The following MRC1 variants were observed in gnomAD, a reference collection of about 807,000 sequenced individuals.
The protein encoded by MRC1 is mannose receptor C-type 1.
A neutral mutation model predicts 102.9 loss-of-function variants in MRC1; 62 were observed. That is an observed-to-expected ratio of 0.60 (90% CI 0.49 to 0.74). MRC1 has a LOEUF of 0.74. MRC1 is among the 30% of genes least tolerant of loss of function. The probability of loss-of-function intolerance (pLI) is 0.00; values close to 1 mark genes in which losing one functional copy is unlikely to be tolerated. For synonymous variants in MRC1, 457 were observed against 298.4 expected, an observed-to-expected ratio of 1.53 and a Z score of -5.48; for missense variants, 1,237 against 862.8, an observed-to-expected ratio of 1.43 and a Z score of -5.43.
At chr10:17,894,145 A>T in intron 22 of MRC1, 65 bp from the exon 23 acceptor site, 1 of 858,420 alleles carries the variant, frequency 1.2e-6, no homozygotes, top group Admixed American at 1.7e-5. Context: ...TTGCTTATTA[A>T]TGAATTGATT....
intron 1 of MRC1, 122 bp downstream of exon 1, chr10:17,809,648 G>C (rs1390990131): frequency 2.5e-6 from 2 of 791,020 alleles, no homozygotes; most frequent in African/African-American, 1.7e-5. Context: ...GGGTTCCCCT[G>C]CACCACGCAG....
intron 8 of MRC1, among the ~76,000 whole-genome samples, chr10:17,854,094 G>T (rs1279504807): frequency 3.5e-4 from 54 of 152,124 alleles, no homozygotes; most frequent in Admixed American, 3.3e-3. Context: ...GTGACTAAAG[G>T]TGCGTGCCAC....
At chr10:17,885,220 G>C (rs1268924084) in intron 21 of MRC1, 49 bp from the exon 22 acceptor site, 4 of 778,978 alleles carry the variant, frequency 5.1e-6, no homozygotes, top group Non-Finnish European at 9.6e-6. Context: ...TCCATATTTT[G>C]AGTATTAACT....
chr10:17,895,866 G>A (rs1161470151), intron 23 of MRC1, among the ~76,000 whole-genome samples: 8 of 152,172 alleles, frequency 5.3e-5, no homozygotes, highest in African/African-American at 1.9e-4. Flanking sequence ...TGCTTCTTGT[G>A]GAGCAGAGCT....
intron 21 of MRC1, among the ~76,000 whole-genome samples, chr10:17,884,900 A>G (rs1833569881): frequency 6.6e-6 from 1 of 152,266 alleles, no homozygotes; most frequent in Admixed American, 6.5e-5. Context: ...TCTTATTTAC[A>G]GAATCGGGAC....
At position 17,823,401 on chromosome 10, in the gene MRC1, A is replaced by G. The variant is rs1350929473; in HGVS notation, c.389A>G (p.Tyr130Cys). The change falls in exon 2 of 30, where the codon TAC (tyrosine) becomes TGC (cysteine). Residue 130 changes from tyrosine (Y) to cysteine (C), a missense_variant. Transcript: ENST00000569591. Reference sequence around the variant, plus strand: ...AGACAAGAAAAGAATATTATGCTCTACAAGGGATCGGGTTTATGGAGCAGG... The same window carrying G: ...AGACAAGAAAAGAATATTATGCTCTGCAAGGGATCGGGTTTATGGAGCAGG... ...GNRQEKNIML[Y>C]KGSGLWSRWK... is the part of the protein sequence containing the mutation. 30 of 780,778 alleles carry G rather than the reference A, an allele frequency of 3.8e-5. No homozygotes were observed. Among genetic ancestry groups the G allele is most frequent in the Non-Finnish European group, 6.5e-5 (27 of 417,974 alleles). The allele number at this position is 780,778 out of a possible 1,614,324, so 48.4% of individuals were successfully genotyped here. A position where few individuals can be genotyped will look rare whatever the true frequency, so the allele number is the denominator to read the frequency against.
Position 17,870,716 on chromosome 10 carries a change from TG to T in MRC1, c.2112-131del, listed in dbSNP as rs1833343040. On this transcript the variant is annotated intron_variant, in intron 13 of 29. Transcript: ENST00000569591. Reference sequence around the variant, plus strand: ...CTATTGCATAAGTCTTCTATTTAGCTGTTAAATCTCTTTACTTGTGTACTAT... The same window carrying T: ...CTATTGCATAAGTCTTCTATTTAGCTTTAAATCTCTTTACTTGTGTACTAT... The T allele has an allele frequency of 1.6e-5, 12 of 771,088 alleles. No individual in the cohort carries two copies. In the South Asian group the frequency reaches 1.7e-4, roughly 11 times the overall value. 47.8% of individuals were successfully genotyped at this position (771,088 alleles called of 1,614,324 possible).
intron 22 of MRC1, among the ~76,000 whole-genome samples, chr10:17,887,513 C>T (rs1428277642): frequency 1.3e-5 from 2 of 152,082 alleles, no homozygotes; most frequent in African/African-American, 2.4e-5. Flanking sequence ...ACTGAAGAAG[C>T]GAAAGTAGAA....
intron 23 of MRC1, among the ~76,000 whole-genome samples, chr10:17,897,562 A>G (rs1564626162): frequency 6.6e-6 from 1 of 152,242 alleles, no homozygotes; most frequent in Non-Finnish European, 1.5e-5. Flanking sequence ...TGCATTACTC[A>G]CAAGTGAAGT....
intron 19 of MRC1, 103 bp from the exon 20 acceptor site, chr10:17,880,422 A>G: frequency 1.3e-6 from 1 of 744,632 alleles, no homozygotes; most frequent in Non-Finnish European, 2.5e-6. Context: ...ATTATAGTCT[A>G]AATAAGTTTT....
At chr10:17,832,342 G>A (rs1473032892) in intron 3 of MRC1, among the ~76,000 whole-genome samples, 1 of 150,854 alleles carries the variant, frequency 6.6e-6, no homozygotes, top group South Asian at 2.1e-4. Context: ...GGATCACAAG[G>A]TCAGGAGATC....
intron 1 of MRC1, among the ~76,000 whole-genome samples, chr10:17,811,523 C>G (rs1838222252): frequency 2.0e-5 from 3 of 152,074 alleles, no homozygotes; most frequent in African/African-American, 7.2e-5. Flanking sequence ...AAGGGACCCC[C>G]CTTCCAGATT....
At chr10:17,900,516 T>G (rs1833815306) in intron 24 of MRC1, among the ~76,000 whole-genome samples, 1 of 152,158 alleles carries the variant, frequency 6.6e-6, no homozygotes, top group Non-Finnish European at 1.5e-5. Flanking sequence ...TTTCACGGAA[T>G]AAGAGATAAA....
chr10:17,837,530 A>G (rs1426744291), intron 4 of MRC1, among the ~76,000 whole-genome samples: 1 of 152,190 alleles, frequency 6.6e-6, no homozygotes, highest in Non-Finnish European at 1.5e-5. Flanking sequence ...AAATGAAAAA[A>G]CAACCTACAA....
chr10:17,825,489 C>G (rs964647241), intron 2 of MRC1, among the ~76,000 whole-genome samples: 1 of 152,102 alleles, frequency 6.6e-6, no homozygotes, highest in South Asian at 2.1e-4. Context: ...GCCTGTAATC[C>G]CAGCACCTTG....
At chr10:17,908,799 C>G (rs919971626) in intron 28 of MRC1, among the ~76,000 whole-genome samples, 22 of 152,136 alleles carry the variant, frequency 1.4e-4, no homozygotes, top group Non-Finnish European at 2.8e-4. Context: ...GAACTCCGGA[C>G]CTCAGGTGTT....
Position 17,870,933 on chromosome 10 carries a change from C to T in MRC1, c.2197C>T (p.Pro733Ser). ...AGGTTTTACTTGGAGTGATGGTTCTCCTGTGAGTAATTTTACTTACTATAT... is the reference window on the plus strand; with the variant it reads ...AGGTTTTACTTGGAGTGATGGTTCTTCTGTGAGTAATTTTACTTACTATAT... ...SEGFTWSDGS[P>S]VSYENWAYGE... The change falls in exon 14 of 30, where the codon CCT becomes TCT. Residue 733 changes from proline (P) to serine (S), a missense_variant and splice_region_variant. Coordinates refer to ENST00000569591, the MANE Select transcript of MRC1 (RefSeq NM_002438.4). 2 of 871,956 alleles carry T rather than the reference C, an allele frequency of 2.3e-6. No homozygotes were observed. Among genetic ancestry groups the T allele is most frequent in the Admixed American group, 1.7e-5 (1 of 59,146 alleles). 54.0% of individuals were successfully genotyped at this position (871,956 alleles called of 1,614,324 possible).
intron 9 of MRC1, among the ~76,000 whole-genome samples, chr10:17,859,062 G>T (rs1833140706): frequency 6.6e-6 from 1 of 151,944 alleles, no homozygotes; most frequent in South Asian, 2.1e-4. Flanking sequence ...AATTTCCTAT[G>T]AAACCCTGAT....
intron 22 of MRC1, among the ~76,000 whole-genome samples, chr10:17,893,988 G>A (rs1197576889): frequency 1.3e-5 from 2 of 152,222 alleles, no homozygotes; most frequent in Admixed American, 6.5e-5. Context: ...TATCCAAATC[G>A]GTTGGGTTTT....
Sources: gnomAD v4.1 joint callset for allele counts (sites outside exome capture counted in the v4.1 genomes callset) on GRCh38, gnomAD v4.1.1 for gene constraint, MANE v1.5 for transcripts, NCBI Gene and HGNC (gene_info 2026-07-23, HGNC 2026-07-21) for gene names.